Variants in GNAT3 observed in about 807,000 individuals in gnomAD.
GNAT3 encodes the protein G protein subunit alpha transducin 3.
Under a neutral mutation model 37.7 loss-of-function variants are expected in GNAT3, and 31 were observed. The observed-to-expected ratio is 0.82, with a 90% confidence interval of 0.62 to 1.11. The LOEUF is 1.11. Ranked by LOEUF, GNAT3 falls within the 50% of genes most tolerant of loss-of-function variation. The pLI is 0.00. For synonymous variants in GNAT3, 138 were observed against 139.8 expected (o/e 0.99, Z 0.09); for missense variants, 437 against 412.5 (o/e 1.06, Z -0.51).
chr7:80,471,182 A>G (rs1382036895), intron 5 of GNAT3, among the ~76,000 whole-genome samples: 1 of 149,714 alleles, frequency 6.7e-6, no homozygotes, highest in African/African-American at 2.5e-5. Context: ...AGGCTAGGCC[A>G]GTCTGTCTTT....
chr7:80,489,004 G>A (rs746586756), intron 2 of GNAT3, among the ~76,000 whole-genome samples: 1 of 151,928 alleles, frequency 6.6e-6, no homozygotes, highest in Non-Finnish European at 1.5e-5. Context: ...TAGATTCCCA[G>A]GACAAAGATA....
chr7:80,497,040 T>A (rs1790730155), intron 1 of GNAT3, among the ~76,000 whole-genome samples: 1 of 152,204 alleles, frequency 6.6e-6, no homozygotes, highest in Non-Finnish European at 1.5e-5. Flanking sequence ...CACCTCTCCA[T>A]GATTTTATGC....
intron 1 of GNAT3, among the ~76,000 whole-genome samples, chr7:80,501,006 T>A (rs1225563341): frequency 1.3e-5 from 2 of 152,078 alleles, no homozygotes; most frequent in Non-Finnish European, 2.9e-5. Context: ...ATTGTCTTTG[T>A]CAAATTTTGT....
rs116621585 is a variant in GNAT3, at chr7:80,463,810, C to A, written c.591-1179G>T. 6.8e-3 allele frequency among the ~76,000 whole-genome samples: 1,019 copies of A among 150,464 alleles called. 9 individuals carry two copies. The highest frequency in any genetic ancestry group is 0.024 in the African/African-American group (983 of 41,032). ...CTGAATAGAGAGGCAGGAAACACAG[C>A]AAACATGCTATGTTCTCTCATGCCT... is the stretch of plus-strand genomic sequence containing the variant. On this transcript the variant is annotated intron_variant, in intron 5 of 7. Coordinates refer to ENST00000398291, the MANE Select transcript of GNAT3 (RefSeq NM_001102386.3).
chr7:80,482,206 G>A (rs1790402236), intron 3 of GNAT3, among the ~76,000 whole-genome samples: 1 of 152,084 alleles, frequency 6.6e-6, no homozygotes. Context: ...CATCAACACA[G>A]GATAGATTTT....
chr7:80,459,170 G>A (rs1790006956), intron 7 of GNAT3, among the ~76,000 whole-genome samples: 4 of 152,122 alleles, frequency 2.6e-5, no homozygotes, highest in Admixed American at 1.3e-4. Flanking sequence ...GTGGGTATGG[G>A]TATGGGTGTT....
intron 3 of GNAT3, 50 bp from the exon 4 acceptor site, chr7:80,479,048 ATTCTATT>A: frequency 7.7e-7 from 1 of 1,303,484 alleles, no homozygotes; most frequent in East Asian, 2.4e-5. Context: ...GGAATCACAT[ATTCTATT>A]TTCTAATAGA....
rs1476981182 is a variant in GNAT3 at position 80,462,623 on chromosome 7, T to C, written c.599A>G (p.Asp200Gly). Residue 200 changes from aspartate to glycine, a missense_variant, in exon 6 of 8, where the codon GAT (aspartate) becomes GGT (glycine). Asp to Gly is a moderately conservative substitution (Grantham distance 94). Coordinates refer to ENST00000398291, the MANE Select transcript of GNAT3 (RefSeq NM_001102386.3). ...TCTCTCAGATCTCTGTCCACCTACA[T>C]CAAACATCCTTTAAGAAAACATCAA... is the stretch of plus-strand genomic sequence containing the variant. ...SFKDLHFRMF[D>G]VGGQRSERKK... The C allele has an allele frequency of 6.2e-7, 1 of 1,608,026 alleles. No homozygotes were observed. The highest frequency in any genetic ancestry group is 2.2e-5 in the East Asian group (1 of 44,836).
intron 5 of GNAT3, among the ~76,000 whole-genome samples, chr7:80,471,412 A>C (rs1790216846): frequency 6.6e-6 from 1 of 151,824 alleles, no homozygotes; most frequent in Non-Finnish European, 1.5e-5. Context: ...AATTTTCAAA[A>C]TTTTATGATT....
At chr7:80,505,449 C>T (rs1790916488) in intron 1 of GNAT3, among the ~76,000 whole-genome samples, 1 of 152,190 alleles carries the variant, frequency 6.6e-6, no homozygotes, top group Admixed American at 6.5e-5. Flanking sequence ...TCACTGCAAG[C>T]TCCGCCTCCC....
intron 1 of GNAT3, among the ~76,000 whole-genome samples, chr7:80,497,247 C>T (rs148477253): frequency 1.3e-5 from 2 of 152,084 alleles, no homozygotes; most frequent in South Asian, 2.1e-4. Flanking sequence ...GCCCATTTTC[C>T]GAAGACAACT....
chr7:80,493,646 C>T (rs866384662), intron 2 of GNAT3, among the ~76,000 whole-genome samples: 1 of 106,540 alleles, frequency 9.4e-6, no homozygotes, highest in Non-Finnish European at 1.9e-5. Flanking sequence ...TTTCCTCCTC[C>T]TCCTCCTCTT....
At chr7:80,504,029 G>C (rs78757585) in intron 1 of GNAT3, among the ~76,000 whole-genome samples, 3,129 of 152,218 alleles carry the variant, frequency 0.021, 106 homozygotes, top group African/African-American at 0.071. Flanking sequence ...TAGTTTAAAA[G>C]TTATCGCTCA....
At chr7:80,482,783 G>A (rs767867909) in intron 3 of GNAT3, among the ~76,000 whole-genome samples, 7 of 150,054 alleles carry the variant, frequency 4.7e-5, no homozygotes, top group Non-Finnish European at 7.4e-5. Context: ...TGCCCACCTC[G>A]GGCTCCCAAA....
rs148623278 is a variant in GNAT3, at chr7:80,482,537, G to A, written c.304-3539C>T. On this transcript the variant is annotated intron_variant, in intron 3 of 7. Coordinates refer to ENST00000398291, the MANE Select transcript of GNAT3 (RefSeq NM_001102386.3). ...TGTTTGTTTGTTTGTTTTTTGAGAC[G>A]GAGTCTTGCTCTGTCATGCAGGCTG... 1.5e-3 allele frequency among the ~76,000 whole-genome samples: 221 copies of A among 148,216 alleles called. 3 individuals are homozygous for A. The East Asian group carries it at 0.039, about 26-fold the overall frequency.
At chr7:80,508,151 G>A (rs1294485993) in intron 1 of GNAT3, among the ~76,000 whole-genome samples, 1 of 151,778 alleles carries the variant, frequency 6.6e-6, no homozygotes, top group Non-Finnish European at 1.5e-5. Flanking sequence ...TAGAATAAAT[G>A]TTAATTATAT....
chr7:80,465,787 C>T (rs574744521), intron 5 of GNAT3, among the ~76,000 whole-genome samples: 91 of 152,170 alleles, frequency 6.0e-4, no homozygotes, highest in Middle Eastern at 3.4e-3. Flanking sequence ...TGGGAGGTTT[C>T]GTTCTTTTCT....
At chr7:80,503,214 G>T (rs936322375) in intron 1 of GNAT3, among the ~76,000 whole-genome samples, 3 of 152,010 alleles carry the variant, frequency 2.0e-5, no homozygotes, top group Admixed American at 6.5e-5. Flanking sequence ...CTGTGTTCTA[G>T]CCACCATGAA....
intron 3 of GNAT3, among the ~76,000 whole-genome samples, chr7:80,487,383 G>A (rs188532645): frequency 6.6e-6 from 1 of 152,104 alleles, no homozygotes. Flanking sequence ...CTAGAAATGG[G>A]AATCAGTAAA....
Sources: allele counts gnomAD v4.1 joint callset (sites outside exome capture counted in the v4.1 genomes callset), GRCh38; gene constraint gnomAD v4.1.1; transcripts MANE v1.5; gene names NCBI Gene and HGNC (gene_info 2026-07-23, HGNC 2026-07-21).